THSD7B: variants seen among roughly 807,000 people sequenced by gnomAD.
THSD7B encodes thrombospondin type 1 domain containing 7B.
THSD7B carries 138 observed loss-of-function variants against 213.6 expected under a neutral mutation model. The ratio of observed to expected loss-of-function variants is 0.65; its 90% CI spans 0.56 to 0.74. The LOEUF is 0.74. Among genes scored for constraint, THSD7B ranks in the 30% least tolerant of loss-of-function variants. The pLI is 0.00. For missense variants in THSD7B, 1,931 were observed against 1,991.5 expected (o/e 0.97, Z 0.58); for synonymous variants, 742 against 687.0 (o/e 1.08, Z -1.25).
intron 12 of THSD7B, among the ~76,000 whole-genome samples, chr2:137,395,343 A>G (rs1686151216): frequency 6.6e-6 from 1 of 150,522 alleles, no homozygotes; most frequent in Admixed American, 6.6e-5. Context: ...TCCCATCATT[A>G]CCTAATTTAT....
At chr2:136,971,546 A>G (rs1185415220) in intron 2 of THSD7B, among the ~76,000 whole-genome samples, 4 of 151,916 alleles carry the variant, frequency 2.6e-5, no homozygotes, top group African/African-American at 9.7e-5. Context: ...TAAATATTGT[A>G]TAGAAAAGAA....
At chr2:137,026,577 A>G (rs1686559959) in intron 2 of THSD7B, among the ~76,000 whole-genome samples, 1 of 151,940 alleles carries the variant, frequency 6.6e-6, no homozygotes, top group Non-Finnish European at 1.5e-5. Flanking sequence ...GCTTCCATTC[A>G]ATGTTGTGTG....
At chr2:137,164,823 T>G (rs1166008224) in intron 6 of THSD7B, among the ~76,000 whole-genome samples, 1 of 152,002 alleles carries the variant, frequency 6.6e-6, no homozygotes, top group African/African-American at 2.4e-5. Flanking sequence ...AGGTGGGAAT[T>G]GAACAATGAG....
chr2:137,646,659 A>ATAG (rs1683037936), intron 21 of THSD7B, among the ~76,000 whole-genome samples: 2 of 142,260 alleles, frequency 1.4e-5, no homozygotes, highest in Admixed American at 1.4e-4. Context: ...CTTAATAATA[A>ATAG]TAATAATAAT....
chr2:137,278,554 A>G (rs181055150), intron 12 of THSD7B, among the ~76,000 whole-genome samples: 15 of 152,256 alleles, frequency 9.9e-5, no homozygotes, highest in Admixed American at 7.9e-4. Context: ...CTCATCAAAG[A>G]TGAATAAATC....
At chr2:137,538,574 C>CT in intron 15 of THSD7B, 1 of 489,026 alleles carries the variant, frequency 2.0e-6, no homozygotes, top group East Asian at 5.6e-5. Context: ...CACAAACCAG[C>CT]TTTTTTTCTC....
At chr2:136,965,770 C>T (rs531649786) in intron 2 of THSD7B, among the ~76,000 whole-genome samples, 46 of 152,242 alleles carry the variant, frequency 3.0e-4, no homozygotes, top group African/African-American at 1.0e-3. Context: ...TTTCCTCCTA[C>T]CTCCAAACTT....
chr2:137,606,188 C>T (rs1000489138), intron 17 of THSD7B, among the ~76,000 whole-genome samples: 13 of 151,820 alleles, frequency 8.6e-5, no homozygotes, highest in Admixed American at 5.2e-4. Context: ...TGGGTAAGGG[C>T]GAGTTAGGCA....
At position 137,216,405 on chromosome 2, in the gene THSD7B, G is replaced by A. The variant is rs112745021; in HGVS notation, c.1724-14639G>A. ...ATTTTCAGGCAAATTTATCACACAC[G>A]CTCTTCTTCCATCTCTTCATCTACA... On this transcript the variant is annotated intron_variant, in intron 7 of 27. Coordinates refer to ENST00000409968, the MANE Select transcript of THSD7B (RefSeq NM_001316349.2). Among the ~76,000 whole-genome samples, 1,287 of 151,744 alleles carry A rather than the reference G, an allele frequency of 8.5e-3. 15 individuals carry two copies. Among genetic ancestry groups the A allele is most frequent in the Middle Eastern group, 0.031 (9 of 294 alleles).
intron 13 of THSD7B, among the ~76,000 whole-genome samples, chr2:137,406,204 CATT>C (rs1558786598): frequency 1.3e-5 from 2 of 152,254 alleles, no homozygotes; most frequent in Middle Eastern, 3.4e-3. Context: ...TAACTGACAT[CATT>C]GTCTTTTGCC....
rs938953359 is a variant in THSD7B at position 137,236,003 on chromosome 2, G to A, written c.2150+2870G>A. Among the ~76,000 whole-genome samples, 3 of 152,174 alleles carry A rather than the reference G, an allele frequency of 2.0e-5. No homozygotes were observed. In the East Asian group the frequency reaches 5.8e-4, roughly 29 times the overall value. On this transcript the variant is annotated intron_variant, in intron 9 of 27. Transcript: ENST00000409968. Reference sequence around the variant, plus strand: ...ATTCTTGAGGTTAATGAGATTAATTGAGCTAAGAAAATAATACCTAGTGTC... The same window carrying A: ...ATTCTTGAGGTTAATGAGATTAATTAAGCTAAGAAAATAATACCTAGTGTC...
chr2:137,315,959 A>T (rs1684088811), intron 12 of THSD7B, among the ~76,000 whole-genome samples: 1 of 152,148 alleles, frequency 6.6e-6, no homozygotes, highest in South Asian at 2.1e-4. Flanking sequence ...GTTATTTTCA[A>T]AATTTTAGAT....
chr2:137,109,077 T>C (rs1157530993), intron 4 of THSD7B, among the ~76,000 whole-genome samples: 1 of 152,170 alleles, frequency 6.6e-6, no homozygotes, highest in Non-Finnish European at 1.5e-5. Flanking sequence ...ATATCCCGAA[T>C]CTAATCTCTT....
chr2:137,299,377 CT>C (rs1683545414), intron 12 of THSD7B, among the ~76,000 whole-genome samples: 1 of 152,008 alleles, frequency 6.6e-6, no homozygotes, highest in African/African-American at 2.4e-5. Flanking sequence ...TCAGATGAGA[CT>C]TTGGACTATG....
At position 136,939,853 on chromosome 2, in the gene THSD7B, C is replaced by T. The variant is rs145776220; in HGVS notation, c.139+57536C>T. ...GAAAGGTTTGATTATTTAGCACATC[C>T]TCAACCTCCCTACCACCACCCCCCG... On this transcript the variant is annotated intron_variant, in intron 2 of 27. Transcript: ENST00000409968. Among the ~76,000 whole-genome samples, 1,181 of 152,196 alleles carry T rather than the reference C, an allele frequency of 7.8e-3. 32 individuals are homozygous for T. Among genetic ancestry groups the T allele is most frequent in the Admixed American group, 0.049 (746 of 15,276 alleles).
At chr2:137,454,392 ATCTG>A (rs1553451269) in intron 15 of THSD7B, among the ~76,000 whole-genome samples, 69 of 115,138 alleles carry the variant, frequency 6.0e-4, no homozygotes, top group Admixed American at 1.9e-3. Flanking sequence ...GAGCCATTCT[ATCTG>A]TCTGTCTGTC....
At chr2:137,432,957 T>C (rs1487331922) in intron 14 of THSD7B, among the ~76,000 whole-genome samples, 3 of 152,242 alleles carry the variant, frequency 2.0e-5, no homozygotes, top group Non-Finnish European at 4.4e-5. Context: ...TAGCGTCTAA[T>C]TCTTGGCTCA....
At chr2:137,310,644 G>T (rs1683877053) in intron 12 of THSD7B, among the ~76,000 whole-genome samples, 1 of 152,020 alleles carries the variant, frequency 6.6e-6, no homozygotes, top group African/African-American at 2.4e-5. Context: ...TTAGGTCTAA[G>T]GTTTAAGGCT....
intron 12 of THSD7B, among the ~76,000 whole-genome samples, chr2:137,313,142 A>G (rs1683964067): frequency 6.6e-6 from 1 of 152,148 alleles, no homozygotes; most frequent in Non-Finnish European, 1.5e-5. Flanking sequence ...GTGGGAGACT[A>G]AGTCTCTTTG....
Sources: allele counts gnomAD v4.1 joint callset (sites outside exome capture counted in the v4.1 genomes callset), GRCh38; gene constraint gnomAD v4.1.1; transcripts MANE v1.5; gene names NCBI Gene and HGNC (gene_info 2026-07-23, HGNC 2026-07-21).